The following PTPRG variants were observed in gnomAD, a reference collection of about 807,000 sequenced individuals.
PTPRG encodes the protein receptor-type tyrosine-protein phosphatase gamma.
A neutral mutation model predicts 165.3 loss-of-function variants in PTPRG; 102 were observed. That is an observed-to-expected ratio of 0.62 (90% CI 0.53 to 0.73). The LOEUF (loss-of-function observed/expected upper bound fraction) is 0.73, where lower values mean the gene tolerates loss of function less well. Ranked by LOEUF, PTPRG falls within the 30% of genes least tolerant of loss-of-function variation. The pLI, the probability that PTPRG is intolerant of heterozygous loss-of-function variation, is 0.00. For missense variants in PTPRG, 1,866 were observed against 1,861.4 expected, an observed-to-expected ratio of 1.00 and a Z score of -0.05; for synonymous variants, 675 against 669.5, an observed-to-expected ratio of 1.01 and a Z score of -0.13.
intron 1 of PTPRG, among the ~76,000 whole-genome samples, chr3:61,643,763 CA>C (rs11348108): frequency 0.28 from 39,976 of 140,338 alleles, 6,868 homozygotes; most frequent in African/African-American, 0.52. Flanking sequence ...GACTCTGTCT[CA>C]AAAAAAAAAA....
intron 1 of PTPRG, among the ~76,000 whole-genome samples, chr3:61,576,943 G>A (rs1034902664): frequency 6.6e-6 from 1 of 152,194 alleles, no homozygotes; most frequent in Non-Finnish European, 1.5e-5. Context: ...TATGGCGCTT[G>A]TAGGAGTGTT....
intron 4 of PTPRG, among the ~76,000 whole-genome samples, chr3:62,067,326 A>C (rs1160407235): frequency 6.7e-6 from 1 of 149,850 alleles, no homozygotes; most frequent in Non-Finnish European, 1.5e-5. Context: ...GATGTGGGGC[A>C]CTATTCTTTG....
intron 2 of PTPRG, among the ~76,000 whole-genome samples, chr3:61,909,672 C>T (rs566395083): frequency 6.7e-6 from 1 of 150,168 alleles, no homozygotes; most frequent in Admixed American, 6.6e-5. Context: ...AGTTATGAGC[C>T]ATGGCATCTG....
At chr3:62,122,153 A>G (rs1047874698) in intron 5 of PTPRG, among the ~76,000 whole-genome samples, 6 of 152,208 alleles carry the variant, frequency 3.9e-5, no homozygotes, top group African/African-American at 9.7e-5. Flanking sequence ...CTGAAAAAAC[A>G]TAGCTTTACT....
At chr3:62,010,603 C>G (rs1348019466) in intron 4 of PTPRG, among the ~76,000 whole-genome samples, 2 of 151,786 alleles carry the variant, frequency 1.3e-5, no homozygotes, top group African/African-American at 4.8e-5. Context: ...ATCTCATGAG[C>G]CCAGGAGTTC....
chr3:61,968,900 C>T (rs1036499705), intron 2 of PTPRG, among the ~76,000 whole-genome samples: 4 of 152,100 alleles, frequency 2.6e-5, no homozygotes, highest in Admixed American at 6.6e-5. Flanking sequence ...TCATAGCTCA[C>T]CTTTATTTAA....
intron 4 of PTPRG, among the ~76,000 whole-genome samples, chr3:62,012,879 G>T (rs1473242272): frequency 1.3e-5 from 2 of 152,168 alleles, no homozygotes; most frequent in East Asian, 3.9e-4. Context: ...AAATTAGTCA[G>T]CACTTATGCC....
chr3:61,937,036 C>T (rs1454084921), intron 2 of PTPRG, among the ~76,000 whole-genome samples: 2 of 152,146 alleles, frequency 1.3e-5, no homozygotes, highest in Non-Finnish European at 2.9e-5. Context: ...AGACATCCCT[C>T]GGGGATGCTA....
At chr3:62,136,964 A>G (rs528067686) in intron 6 of PTPRG, among the ~76,000 whole-genome samples, 4 of 152,296 alleles carry the variant, frequency 2.6e-5, no homozygotes, top group South Asian at 2.1e-4. Context: ...TCTTGACCAC[A>G]TAAAGTGCTG....
intron 9 of PTPRG, among the ~76,000 whole-genome samples, chr3:62,191,868 G>C (rs1699833499): frequency 6.6e-6 from 1 of 152,176 alleles, no homozygotes; most frequent in Non-Finnish European, 1.5e-5. Flanking sequence ...AGACTTAACA[G>C]CTATGCAACC....
intron 4 of PTPRG, among the ~76,000 whole-genome samples, chr3:62,061,710 T>C (rs1700819194): frequency 6.6e-6 from 1 of 151,132 alleles, no homozygotes. Context: ...CTCACTGCAA[T>C]CTCTGCCTCC....
Position 62,277,173 on chromosome 3 carries a change from G to C in PTPRG, c.3636+125G>C. 5.3e-6 allele frequency: 4 copies of C among 761,264 alleles called. No homozygotes were observed. In the South Asian group the frequency reaches 5.7e-5, roughly 11 times the overall value. 47.2% of individuals were successfully genotyped at this position (761,264 alleles called of 1,614,324 possible). ...CTCAATGTGTAATATGAAAAGTATAGAGATTTCTGTATCTTGAAACTTTTA... is the reference window on the plus strand; with the variant it reads ...CTCAATGTGTAATATGAAAAGTATACAGATTTCTGTATCTTGAAACTTTTA... On this transcript the variant is annotated intron_variant, in intron 25 of 29. Coordinates refer to ENST00000474889, the MANE Select transcript of PTPRG (RefSeq NM_002841.4).
chr3:61,901,924 A>T (rs1031500362), intron 2 of PTPRG, among the ~76,000 whole-genome samples: 3 of 152,210 alleles, frequency 2.0e-5, no homozygotes, highest in Admixed American at 6.5e-5. Context: ...ATATTACCTG[A>T]TAATTATGCT....
intron 1 of PTPRG, among the ~76,000 whole-genome samples, chr3:61,733,401 CA>C (rs1316472234): frequency 1.3e-5 from 2 of 152,090 alleles, no homozygotes; most frequent in African/African-American, 4.8e-5. Context: ...GTGACTTTGG[CA>C]AGGTCCTTAA....
At chr3:62,291,053 A>AACTT (rs748884964) in intron 28 of PTPRG, among the ~76,000 whole-genome samples, 1 of 152,300 alleles carries the variant, frequency 6.6e-6, no homozygotes. Flanking sequence ...GGAAGAGGCA[A>AACTT]ACTTAGTAGA....
At chr3:61,972,671 G>A (rs915887090) in intron 2 of PTPRG, among the ~76,000 whole-genome samples, 2 of 68,534 alleles carry the variant, frequency 2.9e-5, no homozygotes, top group African/African-American at 1.2e-4. Context: ...TTTTTTTTTT[G>A]AGACATGGTC....
chr3:62,263,051 G>A (rs1701748149), intron 17 of PTPRG, 157 bp downstream of exon 17: 5 of 580,408 alleles, frequency 8.6e-6, no homozygotes, highest in Non-Finnish European at 1.5e-5. Context: ...TGTAGAAGTT[G>A]GGACATTTTC....
intron 2 of PTPRG, among the ~76,000 whole-genome samples, chr3:61,757,971 C>T (rs764605297): frequency 1.8e-4 from 27 of 152,196 alleles, no homozygotes; most frequent in Non-Finnish European, 3.8e-4. Context: ...CTGTGATTTA[C>T]TTAAGGGCTA....
chr3:61,680,626 AT>A, intron 1 of PTPRG, among the ~76,000 whole-genome samples: 1 of 151,418 alleles, frequency 6.6e-6, no homozygotes, highest in Non-Finnish European at 1.5e-5. Flanking sequence ...TACAAAAAAA[AT>A]AGGAGATCAA....
Sources: allele counts gnomAD v4.1 joint callset (sites outside exome capture counted in the v4.1 genomes callset), GRCh38; gene constraint gnomAD v4.1.1; transcripts MANE v1.5; gene names NCBI Gene and HGNC (gene_info 2026-07-23, HGNC 2026-07-21).